TXNDC11: variants seen among roughly 807,000 people sequenced by gnomAD.
TXNDC11 encodes the protein thioredoxin domain-containing protein 11.
In TXNDC11, 68 loss-of-function variants were observed where a neutral mutation model predicts 78.0. The ratio of observed to expected loss-of-function variants is 0.87; its 90% CI spans 0.72 to 1.07. The LOEUF (loss-of-function observed/expected upper bound fraction) is 1.07, where lower values mean the gene tolerates loss of function less well. TXNDC11 is among the 50% of genes least tolerant of loss of function. The pLI, the probability that TXNDC11 is intolerant of heterozygous loss-of-function variation, is 0.00. For missense variants in TXNDC11, 1,389 were observed against 1,221.8 expected (o/e 1.14, Z -2.04); for synonymous variants, 571 against 495.2 (o/e 1.15, Z -2.03).
At chr16:11,684,330 C>G in intron 10 of TXNDC11, 85 bp from the exon 11 acceptor site, 1 of 1,023,028 alleles carries the variant, frequency 9.8e-7, no homozygotes, top group Non-Finnish European at 1.5e-6. Context: ...ACTTCAAGAA[C>G]CTGGTGCATT....
At chr16:11,733,554 G>A (rs2052120915) in intron 3 of TXNDC11, among the ~76,000 whole-genome samples, 1 of 152,192 alleles carries the variant, frequency 6.6e-6, no homozygotes, top group Admixed American at 6.5e-5. Flanking sequence ...GTGGACATGG[G>A]ACTGTGTACT....
chr16:11,742,103 G>A (rs1434610636), intron 1 of TXNDC11: 3 of 234,902 alleles, frequency 1.3e-5, no homozygotes, highest in Non-Finnish European at 1.6e-5. Flanking sequence ...GCAAGGTTGT[G>A]GATCACTACA....
chr16:11,712,396 G>A (rs984195385), intron 5 of TXNDC11, among the ~76,000 whole-genome samples: 7 of 151,970 alleles, frequency 4.6e-5, no homozygotes, highest in Non-Finnish European at 8.8e-5. Flanking sequence ...CATCTCCACT[G>A]AGCCATCTTC....
chr16:11,721,687 A>G lies in TXNDC11; in HGVS notation c.700-17T>C. 1 of 1,533,404 alleles carries G rather than the reference A, an allele frequency of 6.5e-7. No individual in the cohort carries two copies. Among genetic ancestry groups the G allele is most frequent in the South Asian group, 1.1e-5 (1 of 88,732 alleles). The allele number at this position is 1,533,404 out of a possible 1,614,324, so 95.0% of individuals were successfully genotyped here. A position where few individuals can be genotyped will look rare whatever the true frequency, so the allele number is the denominator to read the frequency against. The stretch of plus-strand genomic sequence containing the variant: ...TACTCCAGGCTGCAGGAAAAAGAGC[A>G]GAATTAGGTAACTGAGGCACTGTCA... On this transcript the variant is annotated splice_polypyrimidine_tract_variant and intron_variant, in intron 4 of 11. Coordinates refer to ENST00000283033, the MANE Select transcript of TXNDC11 (RefSeq NM_015914.7).
chr16:11,706,442 A>G (rs1195348043), intron 5 of TXNDC11, among the ~76,000 whole-genome samples: 5 of 152,210 alleles, frequency 3.3e-5, no homozygotes, highest in Non-Finnish European at 7.3e-5. Context: ...GACCCATCAC[A>G]GCACATCTCC....
At chr16:11,717,434 GAAAAAA>G (rs58884197) in intron 5 of TXNDC11, among the ~76,000 whole-genome samples, 10 of 62,330 alleles carry the variant, frequency 1.6e-4, no homozygotes, top group Admixed American at 2.3e-4. Flanking sequence ...GACTCCAAAT[GAAAAAA>G]AAAAAAAAAA....
At chr16:11,716,704 A>G (rs2051536816) in intron 5 of TXNDC11, among the ~76,000 whole-genome samples, 1 of 152,238 alleles carries the variant, frequency 6.6e-6, no homozygotes, top group Admixed American at 6.5e-5. Flanking sequence ...TCTTCAAGTC[A>G]ATTTATATAT....
intron 5 of TXNDC11, among the ~76,000 whole-genome samples, chr16:11,707,023 G>C (rs900996333): frequency 1.6e-4 from 25 of 152,188 alleles, no homozygotes; most frequent in African/African-American, 6.0e-4. Context: ...ACTTGAGTAT[G>C]CAAATTCTGG....
In TXNDC11 at chr16:11,679,679, C is replaced by G. The variant is rs141591747; in HGVS notation, c.2393G>C (p.Gly798Ala). 140 of 1,614,142 alleles carry G rather than the reference C, an allele frequency of 8.7e-5. No individual in the cohort carries two copies. In the African/African-American group the frequency reaches 1.7e-3, roughly 20 times the overall value. Residue 798 changes from glycine to alanine, a missense_variant, in exon 12 of 12, where the codon GGG becomes GCG. Coordinates refer to ENST00000283033, the MANE Select transcript of TXNDC11 (RefSeq NM_015914.7). This position sits in a 1 kb window ranked among gnomAD's most constrained non-coding sequence, Gnocchi z 4.6. ...CLQSEAVLQR[G>A]HISHLEREIQ... ...CTCTCTCTCCAAGTGGGAGATGTGC[C>G]CCCGCTGTAAGACTGCCTCGCTCTG... is the stretch of plus-strand genomic sequence containing the variant.
At chr16:11,681,464 G>A (rs1416269944) in intron 11 of TXNDC11, among the ~76,000 whole-genome samples, 1 of 152,190 alleles carries the variant, frequency 6.6e-6, no homozygotes, top group African/African-American at 2.4e-5. Context: ...CTAAAATACT[G>A]CCACACTTTG....
At chr16:11,694,871 ATCACT>A (rs1226074328) in intron 7 of TXNDC11, among the ~76,000 whole-genome samples, 3 of 152,230 alleles carry the variant, frequency 2.0e-5, no homozygotes, top group Non-Finnish European at 4.4e-5. Context: ...CATTCTGTGT[ATCACT>A]TGATGTCATT....
In TXNDC11 at chr16:11,691,889, G is replaced by A; in HGVS notation, c.1301C>T (p.Ser434Phe). The A allele has an allele frequency of 1.2e-6, 2 of 1,614,208 alleles. No homozygotes were observed. The highest frequency in any genetic ancestry group is 8.5e-7 in the Non-Finnish European group (1 of 1,179,990). ...CNTVVLPQWH[S>F]FSRTHNVCEL... ...ACAGACGTTGTGGGTCCTGGAGAAG[G>A]AGTGCCACTGGGGCAGCACCACAGT... is the stretch of plus-strand genomic sequence containing the variant. The change falls in exon 8 of 12, where the codon TCC becomes TTC. Residue 434 changes from serine (S) to phenylalanine (F), a missense_variant. By Grantham distance (155) the Ser-to-Phe change is radical. Transcript: ENST00000283033.
At chr16:11,718,683 T>C (rs1210579268) in intron 5 of TXNDC11, among the ~76,000 whole-genome samples, 1 of 152,134 alleles carries the variant, frequency 6.6e-6, no homozygotes, top group Non-Finnish European at 1.5e-5. Flanking sequence ...TGTGTGAATT[T>C]AGCCACAAAA....
At chr16:11,686,569 AT>A (rs2050572664) in intron 10 of TXNDC11, among the ~76,000 whole-genome samples, 1 of 152,242 alleles carries the variant, frequency 6.6e-6, no homozygotes, top group African/African-American at 2.4e-5. Context: ...TACTCATTCC[AT>A]TAGATACATC....
intron 5 of TXNDC11, among the ~76,000 whole-genome samples, chr16:11,710,943 C>T (rs897339098): frequency 6.6e-6 from 1 of 152,052 alleles, no homozygotes. Context: ...GGCTGCTAAG[C>T]GGAAGACATG....
chr16:11,691,836 C>A lies in TXNDC11; in HGVS notation c.1354G>T (p.Gly452Cys). The change falls in exon 8 of 12, where the codon GGC (glycine) becomes TGC (cysteine). Residue 452 changes from glycine (G) to cysteine (C), a missense_variant. Coordinates refer to ENST00000283033, the MANE Select transcript of TXNDC11 (RefSeq NM_015914.7). The part of the protein sequence containing the change: ...CELCVNQTSG[G>C]MKPSSVSVPQ... Reference sequence around the variant, plus strand: ...ACGCTGACCGAGCTCGGCTTCATGCCCCCGGAGGTCTGGTTGACACAGAGT... The same window carrying A: ...ACGCTGACCGAGCTCGGCTTCATGCACCCGGAGGTCTGGTTGACACAGAGT... 6.2e-7 allele frequency: 1 copy of A among 1,614,220 alleles called. No homozygotes were observed. The highest frequency in any genetic ancestry group is 1.1e-5 in the South Asian group (1 of 91,086).
At chr16:11,689,869 A>C (rs2050662923) in intron 8 of TXNDC11, 1 of 152,236 alleles carries the variant, frequency 6.6e-6, no homozygotes, top group Non-Finnish European at 1.5e-5. Context: ...ATTGGGAGTA[A>C]TCTATAATAT....
intron 1 of TXNDC11, among the ~76,000 whole-genome samples, chr16:11,741,250 G>C (rs1439611679): frequency 2.0e-5 from 3 of 152,114 alleles, no homozygotes; most frequent in Non-Finnish European, 4.4e-5. Flanking sequence ...AAAATGTTCC[G>C]AGGTGAAATC....
chr16:11,706,434 C>T (rs1263660795), intron 5 of TXNDC11, among the ~76,000 whole-genome samples: 5 of 152,204 alleles, frequency 3.3e-5, no homozygotes, highest in Non-Finnish European at 7.3e-5. Flanking sequence ...ACCATCTAGA[C>T]CCATCACAGC....
Sources: gnomAD v4.1 joint callset for allele counts (sites outside exome capture counted in the v4.1 genomes callset) on GRCh38, gnomAD v4.1.1 for gene constraint, Gnocchi (gnomAD v3.1) non-coding constraint, MANE v1.5 for transcripts, NCBI Gene and HGNC (gene_info 2026-07-23, HGNC 2026-07-21) for gene names.